AKT1: variants seen among roughly 807,000 people sequenced by gnomAD.
The protein encoded by AKT1 is AKT serine/threonine kinase 1.
AKT1 carries 21 observed loss-of-function variants against 63.1 expected under a neutral mutation model. The ratio of observed to expected loss-of-function variants is 0.33; its 90% confidence interval spans 0.24 to 0.48. The LOEUF (loss-of-function observed/expected upper bound fraction) is 0.48, where lower values mean the gene tolerates loss of function less well. AKT1 is among the 20% of genes least tolerant of loss of function. AKT1 has a pLI of 0.99. For synonymous variants in AKT1, 257 were observed against 253.1 expected, an observed-to-expected ratio of 1.02 and a Z score of -0.15; for missense variants, 382 against 666.0, an observed-to-expected ratio of 0.57 and a Z score of 4.69.
intron 13 of AKT1, chr14:104,771,224 G>A (rs1892369443): frequency 3.2e-6 from 1 of 310,474 alleles, no homozygotes; most frequent in African/African-American, 2.1e-5. Context: ...AATTGGGAAA[G>A]AGGGAGACTG....
chr14:104,784,897 C>G (rs538611208), intron 3 of AKT1, among the ~76,000 whole-genome samples: 1 of 152,232 alleles, frequency 6.6e-6, no homozygotes, highest in East Asian at 1.9e-4. Flanking sequence ...TGTCAGCCCC[C>G]CTAGGCCACC....
chr14:104,775,913 G>A, intron 5 of AKT1, 114 bp from the exon 6 acceptor site: 2 of 1,349,114 alleles, frequency 1.5e-6, no homozygotes, highest in Non-Finnish European at 2.0e-6. Flanking sequence ...GGGGTTCCCA[G>A]AGACAGCCCT....
Position 104,774,000 on chromosome 14 carries a change from G to C in AKT1, c.634-20C>G. Reference sequence around the variant, plus strand: ...CAGGGCCTGCAAGGAAGGGGAGCTGGAACTGCGGCCCCACAGGCAGGACGG... The same window carrying C: ...CAGGGCCTGCAAGGAAGGGGAGCTGCAACTGCGGCCCCACAGGCAGGACGG... On this transcript the variant is annotated intron_variant, in intron 8 of 14. Coordinates refer to ENST00000649815, the MANE Select transcript of AKT1 (RefSeq NM_001382430.1). 4 of 1,607,818 alleles carry C rather than the reference G, an allele frequency of 2.5e-6. No homozygotes were observed. Among genetic ancestry groups the C allele is most frequent in the East Asian group, 2.2e-5 (1 of 44,598 alleles).
intron 3 of AKT1, among the ~76,000 whole-genome samples, chr14:104,782,775 C>T (rs1238684695): frequency 6.6e-6 from 1 of 152,170 alleles, no homozygotes; most frequent in East Asian, 1.9e-4. Context: ...CAGCCCAGCA[C>T]ACAGACCCCT....
At position 104,795,095 on chromosome 14, in the gene AKT1, C is replaced by G. The variant is rs1048120342; in HGVS notation, c.-258+389G>C. The G allele has an allele frequency of 6.6e-6, 1 of 152,234 alleles. No homozygotes were observed. Among genetic ancestry groups the G allele is most frequent in the Non-Finnish European group, 1.5e-5 (1 of 68,046 alleles). 9.4% of individuals were successfully genotyped at this position (152,234 alleles called of 1,614,324 possible). A position where few individuals can be genotyped will look rare whatever the true frequency, so the allele number is the denominator to read the frequency against. ...CGGCCGCGGCGAGTCTTTCTCCAAC[C>G]CCGGGGCACCTCCGCCGGCTGCCTC... On this transcript the variant is annotated intron_variant, in intron 1 of 14. Transcript: ENST00000649815. This position sits in a 1 kb window ranked among gnomAD's most constrained non-coding sequence, Gnocchi z 5.1.
intron 9 of AKT1, 58 bp downstream of exon 9, chr14:104,773,854 C>T: frequency 6.6e-7 from 1 of 1,515,338 alleles, no homozygotes; most frequent in Non-Finnish European, 9.0e-7. Context: ...GAAGGACCGG[C>T]CCCACCATGG....
In AKT1 at chr14:104,772,182, C is replaced by G. The variant is rs956068804; in HGVS notation, c.1260+183G>C. 7.6e-6 allele frequency: 5 copies of G among 658,314 alleles called. No individual in the cohort carries two copies. In the African/African-American group the frequency reaches 9.0e-5, roughly 12 times the overall value. 40.8% of individuals were successfully genotyped at this position (658,314 alleles called of 1,614,324 possible). On this transcript the variant is annotated intron_variant, in intron 13 of 14. Transcript: ENST00000649815. ...AGTTTCCTGGTGGAACCCGGCAGTG[C>G]CAGAGCCTCTGAGCACCAGGCGCTG... is the stretch of plus-strand genomic sequence containing the variant.
At position 104,775,674 on chromosome 14, in the gene AKT1, AG is replaced by A; in HGVS notation, c.412del (p.Leu138TrpfsTer8). ...CACCACGCGGTGCTTGGGCTTGGCCAGGGACACCTCCATCTCTTCAGCCCCT... is the reference window on the plus strand; with the variant it reads ...CACCACGCGGTGCTTGGGCTTGGCCAGGACACCTCCATCTCTTCAGCCCCT... Reference protein sequence around the residue: ...NSGAEEMEVSLAKPKHRVTMN... With the variant: ...NSGAEEMEVSXAKPKHRVTMN... On this transcript the variant is annotated frameshift_variant, in exon 6 of 15. Coordinates refer to ENST00000649815, the MANE Select transcript of AKT1 (RefSeq NM_001382430.1). LOFTEE classifies it high-confidence loss of function. 1 of 1,613,922 alleles carries A rather than the reference AG, an allele frequency of 6.2e-7. No individual in the cohort carries two copies.
rs548275651 is a variant in AKT1, at chr14:104,781,015, A to G, written c.47-799T>C. Among the ~76,000 whole-genome samples the G allele has an allele frequency of 2.0e-4, 30 of 152,318 alleles. 1 individual carries two copies. In the South Asian group the frequency reaches 6.2e-3, roughly 32 times the overall value. ...GCCGCGTCCCACCCGTGGGTCATTC[A>G]GGTACACGGGAACATTCTCCCTCAA... On this transcript the variant is annotated intron_variant, in intron 3 of 14. Transcript: ENST00000649815.
chr14:104,769,981 G>A lies in AKT1; in HGVS notation c.*360C>T. 2.3e-6 allele frequency: 1 copy of A among 436,186 alleles called. No individual in the cohort carries two copies. The highest frequency in any genetic ancestry group is 4.2e-6 in the Non-Finnish European group (1 of 236,352). 27.0% of individuals were successfully genotyped at this position (436,186 alleles called of 1,614,324 possible). ...GGTGACAGACAGCCCAGGGCGGCTGGCTGACAGAGTGAGGGGACACATGGG... is the reference window on the plus strand; with the variant it reads ...GGTGACAGACAGCCCAGGGCGGCTGACTGACAGAGTGAGGGGACACATGGG... On this transcript the variant is annotated 3_prime_UTR_variant, in exon 15 of 15. Coordinates refer to ENST00000649815, the MANE Select transcript of AKT1 (RefSeq NM_001382430.1).
chr14:104,772,868 C>G lies in AKT1; in HGVS notation c.1172+10G>C. The G allele has an allele frequency of 1.9e-6, 3 of 1,602,018 alleles. No individual in the cohort carries two copies. The highest frequency in any genetic ancestry group is 2.5e-6 in the Non-Finnish European group (3 of 1,176,958). On this transcript the variant is annotated intron_variant, in intron 12 of 14. Transcript: ENST00000649815. ...AGGTGTAGCCTGTAGCTGGGATGGG[C>G]GGCCCTCACCTCTGCTTGGGGTCCT... is the stretch of plus-strand genomic sequence containing the variant.
chr14:104,773,399 A>T lies in AKT1; in HGVS notation c.829-20T>A. 1 of 1,614,130 alleles carries T rather than the reference A, an allele frequency of 6.2e-7. No homozygotes were observed. The highest frequency in any genetic ancestry group is 8.5e-7 in the Non-Finnish European group (1 of 1,179,972). On this transcript the variant is annotated intron_variant, in intron 10 of 14. Coordinates refer to ENST00000649815, the MANE Select transcript of AKT1 (RefSeq NM_001382430.1). Reference sequence around the variant, plus strand: ...CTCCAGCTAGGGGAAAGGTGGCCTCAGGTCAGTGCCGCCAGGCCCCCAGGG... The same window carrying T: ...CTCCAGCTAGGGGAAAGGTGGCCTCTGGTCAGTGCCGCCAGGCCCCCAGGG...
At position 104,773,100 on chromosome 14, in the gene AKT1, G is replaced by T. The variant is rs748884296; in HGVS notation, c.958-8C>A. On this transcript the variant is annotated splice_region_variant and splice_polypyrimidine_tract_variant and intron_variant, in intron 11 of 14. Transcript: ENST00000649815. ...GTCATTGTCCTCCAGCACCTGCACG[G>T]GTGGCAGATGGGCAGGACTCGGCAT... The T allele has an allele frequency of 3.1e-6, 5 of 1,613,550 alleles. No individual in the cohort carries two copies. Among genetic ancestry groups the T allele is most frequent in the Non-Finnish European group, 4.2e-6 (5 of 1,179,800 alleles).
rs1255674144 is a variant in AKT1 at position 104,793,131 on chromosome 14, T to G, written c.-84A>C. 3 of 195,518 alleles carry G rather than the reference T, an allele frequency of 1.5e-5. No homozygotes were observed. The highest frequency in any genetic ancestry group is 3.2e-5 in the Non-Finnish European group (3 of 93,296). 12.1% of individuals were successfully genotyped at this position (195,518 alleles called of 1,614,324 possible). On this transcript the variant is annotated 5_prime_UTR_variant, in exon 2 of 15. Transcript: ENST00000649815. ...GGCCTTCCCAGCCTCCCTAACCTGA[T>G]GCACCAGCTGACAGGCTGCCTCCTC...
chr14:104,784,154 G>C (rs1051268221), intron 3 of AKT1, among the ~76,000 whole-genome samples: 14 of 152,320 alleles, frequency 9.2e-5, no homozygotes, highest in African/African-American at 3.1e-4. Context: ...CAGCAGCTCC[G>C]GTCCCACCCT....
rs144112075 is a variant in AKT1, at chr14:104,770,395, G to A, written c.1389C>T (p.Ser463=). The A allele has an allele frequency of 4.8e-4, 773 of 1,612,330 alleles. 2 individuals are homozygous for A. In the African/African-American group the frequency reaches 8.4e-3, roughly 18 times the overall value. Residue 463 remains serine (S), a synonymous_variant, in exon 15 of 15, where the codon AGC becomes AGT. Coordinates refer to ENST00000649815, the MANE Select transcript of AKT1 (RefSeq NM_001382430.1). ...DQDDSMECVD[S]ERRPHFPQFS... ...ACTGGGGGAAGTGGGGCCTGCGCTC[G>A]CTGTCCACACACTCCATGCTGTCAT...
At chr14:104,786,712 C>T (rs936371893) in intron 3 of AKT1, among the ~76,000 whole-genome samples, 3 of 152,140 alleles carry the variant, frequency 2.0e-5, no homozygotes, top group Non-Finnish European at 2.9e-5. Context: ...CCCCAGAGCA[C>T]GGCCAGCTGT....
chr14:104,786,032 C>T lies in AKT1; in HGVS notation c.47-5816G>A, dbSNP rs539153084. On this transcript the variant is annotated intron_variant, in intron 3 of 14. Transcript: ENST00000649815. ...CCACCCCTCGGGCCGGCAAAGGCAC[C>T]CCACCTGCCACACACCCATCCATCG... Among the ~76,000 whole-genome samples, 93 of 152,222 alleles carry T rather than the reference C, an allele frequency of 6.1e-4. 4 individuals are homozygous for T. In the South Asian group the frequency reaches 0.019, roughly 31 times the overall value.
chr14:104,773,610 G>A (rs780736017), intron 9 of AKT1, 30 bp from the exon 10 acceptor site: 33 of 1,587,168 alleles, frequency 2.1e-5, no homozygotes, highest in African/African-American at 1.2e-4. Context: ...AGGCACAGCC[G>A]TGGCTCGGGC....
Sources: gnomAD v4.1 joint callset for allele counts (sites outside exome capture counted in the v4.1 genomes callset) on GRCh38, gnomAD v4.1.1 for gene constraint, Gnocchi (gnomAD v3.1) non-coding constraint, MANE v1.5 for transcripts, NCBI Gene and HGNC (gene_info 2026-07-23, HGNC 2026-07-21) for gene names.